PLEKHM3: variants seen among roughly 807,000 people sequenced by gnomAD.
The protein encoded by PLEKHM3 is pleckstrin homology domain containing M3, also known as pleckstrin homology domain-containing family M member 3.
A neutral mutation model predicts 81.8 loss-of-function variants in PLEKHM3; 45 were observed. The ratio of observed to expected loss-of-function variants is 0.55; its 90% CI spans 0.43 to 0.71. The LOEUF is 0.71. PLEKHM3 is among the 30% of genes least tolerant of loss of function. The pLI is 0.00. For synonymous variants in PLEKHM3, 352 were observed against 356.4 expected, an observed-to-expected ratio of 0.99 and a Z score of 0.14; for missense variants, 788 against 924.3, an observed-to-expected ratio of 0.85 and a Z score of 1.91.
rs546865161 is a variant in PLEKHM3 at position 207,872,619 on chromosome 2, C to T, written c.1951-11357G>A. ...TTGGGAGGCTGAGGGGGATGGATCA[C>T]CTGAGGTCAGGAGTTTGAGACCAGC... On this transcript the variant is annotated intron_variant, in intron 6 of 7. Transcript: ENST00000427836. Among the ~76,000 whole-genome samples, 25 of 152,270 alleles carry T rather than the reference C, an allele frequency of 1.6e-4. No individual in the cohort carries two copies. In the East Asian group the frequency reaches 4.1e-3, roughly 25 times the overall value.
intron 3 of PLEKHM3, among the ~76,000 whole-genome samples, chr2:207,965,223 AC>A (rs1283684502): frequency 6.6e-6 from 1 of 152,212 alleles, no homozygotes; most frequent in East Asian, 1.9e-4. Context: ...GTAAATAAAA[AC>A]TTTGAAGTCA....
chr2:207,834,400 G>A (rs909910925), intron 7 of PLEKHM3, among the ~76,000 whole-genome samples: 11 of 151,054 alleles, frequency 7.3e-5, no homozygotes, highest in Non-Finnish European at 1.6e-4. Context: ...AAAGTGCTGG[G>A]ATTGCAGGAG....
intron 5 of PLEKHM3, among the ~76,000 whole-genome samples, chr2:207,912,473 C>T (rs955847854): frequency 1.3e-5 from 2 of 152,198 alleles, no homozygotes; most frequent in Non-Finnish European, 1.5e-5. Context: ...GCAATATATG[C>T]GGGAAAGATG....
At position 207,828,129 on chromosome 2, in the gene PLEKHM3, A is replaced by T. The variant is rs879655934; in HGVS notation, c.*190T>A. On this transcript the variant is annotated 3_prime_UTR_variant, in exon 8 of 8. Coordinates refer to ENST00000427836, the MANE Select transcript of PLEKHM3 (RefSeq NM_001080475.3). ...AGAGGTTCTGTGGATCGTCTGGACA[A>T]TGATGTACACAGAGCATACGTACAG... 1 of 371,210 alleles carries T rather than the reference A, an allele frequency of 2.7e-6. No homozygotes were observed. The allele number at this position is 371,210 out of a possible 1,614,324, so 23.0% of individuals were successfully genotyped here.
rs570755212 is a variant in PLEKHM3 at position 207,844,496 on chromosome 2, C to T, written c.2109-16000G>A. Among the ~76,000 whole-genome samples the T allele has an allele frequency of 3.3e-5, 5 of 149,322 alleles. No individual in the cohort carries two copies. In the East Asian group the frequency reaches 9.8e-4, roughly 29 times the overall value. Reference sequence around the variant, plus strand: ...TTTTTTTTTTTTTTTTTAGTGGAGACGGGGTTTCACCGTGTTAGCCAGGAT... The same window carrying T: ...TTTTTTTTTTTTTTTTTAGTGGAGATGGGGTTTCACCGTGTTAGCCAGGAT... On this transcript the variant is annotated intron_variant, in intron 7 of 7. Transcript: ENST00000427836.
Position 207,983,121 on chromosome 2 carries a change from G to A in PLEKHM3, c.611-5535C>T, listed in dbSNP as rs112664464. 3.2e-3 allele frequency among the ~76,000 whole-genome samples: 456 copies of A among 144,486 alleles called. 4 individuals carry two copies. The highest frequency in any genetic ancestry group is 0.011 in the African/African-American group (440 of 39,386). The allele number at this position is 144,486 out of a possible 152,430, so 94.8% of individuals were successfully genotyped here. A position where few individuals can be genotyped will look rare whatever the true frequency, so the allele number is the denominator to read the frequency against. On this transcript the variant is annotated intron_variant, in intron 2 of 7. Transcript: ENST00000427836. Reference sequence around the variant, plus strand: ...GGCTGGAGTGCAGTGGCATGATCTCGGCTTACTGCCAGCTCCGCCTCCCAA... The same window carrying A: ...GGCTGGAGTGCAGTGGCATGATCTCAGCTTACTGCCAGCTCCGCCTCCCAA...
In PLEKHM3 at chr2:207,824,264, G is replaced by A. The variant is rs1451178810; in HGVS notation, c.*4055C>T. On this transcript the variant is annotated 3_prime_UTR_variant, in exon 8 of 8. Coordinates refer to ENST00000427836, the MANE Select transcript of PLEKHM3 (RefSeq NM_001080475.3). The stretch of plus-strand genomic sequence containing the variant: ...ATTTCAGAGTAAGAAAAGAAGTGGT[G>A]CAGACAACTCAAGAAATAAAATGGG... 1 of 152,194 alleles carries A rather than the reference G, an allele frequency of 6.6e-6. No individual in the cohort carries two copies. Among genetic ancestry groups the A allele is most frequent in the East Asian group, 1.9e-4 (1 of 5,196 alleles). The allele number at this position is 152,194 out of a possible 1,614,324, so 9.4% of individuals were successfully genotyped here. A position where few individuals can be genotyped will look rare whatever the true frequency, so the allele number is the denominator to read the frequency against.
chr2:207,875,250 A>G (rs1431605861), intron 6 of PLEKHM3, among the ~76,000 whole-genome samples: 1 of 152,218 alleles, frequency 6.6e-6, no homozygotes, highest in African/African-American at 2.4e-5. Flanking sequence ...CATGTTAATA[A>G]AAAGGCAATT....
intron 5 of PLEKHM3, among the ~76,000 whole-genome samples, chr2:207,920,579 G>A (rs1284065592): frequency 2.7e-5 from 4 of 150,254 alleles, no homozygotes; most frequent in Non-Finnish European, 4.4e-5. Context: ...TAAAATGAGA[G>A]AAAAAAAAAT....
At chr2:207,950,298 C>G (rs1042958069) in intron 3 of PLEKHM3, among the ~76,000 whole-genome samples, 1 of 152,218 alleles carries the variant, frequency 6.6e-6, no homozygotes, top group Non-Finnish European at 1.5e-5. Context: ...ACATGGTATA[C>G]AGACCGTCAC....
At chr2:207,871,237 C>T (rs1443723439) in intron 6 of PLEKHM3, among the ~76,000 whole-genome samples, 1 of 152,196 alleles carries the variant, frequency 6.6e-6, no homozygotes, top group Non-Finnish European at 1.5e-5. Flanking sequence ...GATGTTTGTA[C>T]ATAAACATAG....
chr2:207,970,834 T>C (rs1475625177), intron 3 of PLEKHM3, among the ~76,000 whole-genome samples: 2 of 152,130 alleles, frequency 1.3e-5, no homozygotes, highest in Non-Finnish European at 2.9e-5. Flanking sequence ...ACCTCTTGGG[T>C]TTACCCCTCC....
chr2:207,878,013 G>A lies in PLEKHM3; in HGVS notation c.1951-16751C>T, dbSNP rs557533036. ...TGCAGTGGCGTAATCTTGTCTTACC[G>A]CAACCATCTCTGCCTCCTGGGCTCA... On this transcript the variant is annotated intron_variant, in intron 6 of 7. Transcript: ENST00000427836. Among the ~76,000 whole-genome samples the A allele has an allele frequency of 2.1e-3, 321 of 152,132 alleles. 1 individual carries two copies. Among genetic ancestry groups the A allele is most frequent in the African/African-American group, 7.1e-3 (293 of 41,516 alleles).
At chr2:207,892,937 T>G (rs1688105483) in intron 6 of PLEKHM3, among the ~76,000 whole-genome samples, 1 of 152,160 alleles carries the variant, frequency 6.6e-6, no homozygotes, top group African/African-American at 2.4e-5. Flanking sequence ...TCAAGATCCA[T>G]TTTCAGCTTC....
At chr2:207,914,672 A>G (rs1688925082) in intron 5 of PLEKHM3, among the ~76,000 whole-genome samples, 1 of 126,842 alleles carries the variant, frequency 7.9e-6, no homozygotes, top group Non-Finnish European at 1.6e-5. Context: ...ATAAAGCAAG[A>G]CCCTGTGTCA....
intron 7 of PLEKHM3, among the ~76,000 whole-genome samples, chr2:207,844,372 G>A (rs1420694651): frequency 4.3e-4 from 63 of 148,130 alleles, no homozygotes; most frequent in Non-Finnish European, 8.4e-4. Context: ...GCGCGATCTC[G>A]GCTCACTGCA....
At chr2:207,913,949 T>G (rs985666372) in intron 5 of PLEKHM3, among the ~76,000 whole-genome samples, 2 of 147,526 alleles carry the variant, frequency 1.4e-5, no homozygotes, top group African/African-American at 5.0e-5. Context: ...ACACACACAC[T>G]CCCCTGACCG....
chr2:207,990,953 A>G (rs79717110), intron 2 of PLEKHM3, among the ~76,000 whole-genome samples: 1 of 152,354 alleles, frequency 6.6e-6, no homozygotes, highest in South Asian at 2.1e-4. Flanking sequence ...TTAACTAGAT[A>G]TACCAGTTTA....
At chr2:208,016,663 A>T (rs2106122974) in intron 1 of PLEKHM3, among the ~76,000 whole-genome samples, 1 of 148,340 alleles carries the variant, frequency 6.7e-6, no homozygotes, top group Non-Finnish European at 1.5e-5. Context: ...AAAAAAAAAA[A>T]AAAAAATACA....
Sources: allele counts gnomAD v4.1 joint callset (sites outside exome capture counted in the v4.1 genomes callset), GRCh38; gene constraint gnomAD v4.1.1; transcripts MANE v1.5; gene names NCBI Gene and HGNC (gene_info 2026-07-23, HGNC 2026-07-21).